LONP2: variants seen among roughly 807,000 people sequenced by gnomAD.
The protein encoded by LONP2 is lon peptidase 2, peroxisomal.
In LONP2, 60 loss-of-function variants were observed where a neutral mutation model predicts 85.6. The observed-to-expected ratio is 0.70, with a 90% CI of 0.57 to 0.87. The LOEUF is 0.87. Among genes scored for constraint, LONP2 ranks in the 40% least tolerant of loss-of-function variants. The pLI is 0.00. For missense variants in LONP2, 860 were observed against 1,063.5 expected, an observed-to-expected ratio of 0.81 and a Z score of 2.66; for synonymous variants, 395 against 389.7, an observed-to-expected ratio of 1.01 and a Z score of -0.16.
intron 12 of LONP2, among the ~76,000 whole-genome samples, chr16:48,335,367 G>C (rs1303914076): frequency 6.6e-6 from 1 of 152,150 alleles, no homozygotes; most frequent in Non-Finnish European, 1.5e-5. Context: ...TGCAGGTCTA[G>C]CCCTATTTTC....
In LONP2 at chr16:48,296,045, A is replaced by G. The variant is rs543835236; in HGVS notation, c.1414A>G (p.Thr472Ala). The G allele has an allele frequency of 6.2e-7, 1 of 1,614,166 alleles. No homozygotes were observed. Among genetic ancestry groups the G allele is most frequent in the South Asian group, 1.1e-5 (1 of 91,086 alleles). ...GGATCCTGAACAAAACCATAACTTC[A>G]CAGATCATTATCTAAATGTGGCCTT... The part of the protein sequence containing the change: ...VLDPEQNHNF[T>A]DHYLNVAFDL... The change falls in exon 9 of 15, where the codon ACA (threonine) becomes GCA (alanine). Residue 472 changes from threonine (T) to alanine (A), a missense_variant. Coordinates refer to ENST00000285737, the MANE Select transcript of LONP2 (RefSeq NM_031490.5).
intron 9 of LONP2, among the ~76,000 whole-genome samples, chr16:48,298,034 A>C (rs1372760535): frequency 6.6e-6 from 1 of 152,228 alleles, no homozygotes; most frequent in African/African-American, 2.4e-5. Flanking sequence ...TAGAGTAAAA[A>C]GTTAATTGTG....
At chr16:48,271,741 A>T (rs982503714) in intron 7 of LONP2, among the ~76,000 whole-genome samples, 9 of 152,158 alleles carry the variant, frequency 5.9e-5, no homozygotes, top group African/African-American at 2.2e-4. Context: ...AATAAATTTT[A>T]AAAAAGACTC....
chr16:48,250,260 A>G (rs1971603149), intron 1 of LONP2, among the ~76,000 whole-genome samples: 1 of 150,944 alleles, frequency 6.6e-6, no homozygotes, highest in Non-Finnish European at 1.5e-5. Flanking sequence ...AGGTGGGCGA[A>G]TCATGAGGTC....
Position 48,356,045 on chromosome 16 carries a change from C to CA in LONP2, c.*4246dup. ...TTAGTGGTCCCTGTGAACCTTACCT[C>CA]AAACCATGCATCTGGGGCAGAGATC... On this transcript the variant is annotated 3_prime_UTR_variant, in exon 15 of 15. Transcript: ENST00000285737. 1 of 152,206 alleles carries CA rather than the reference C, an allele frequency of 6.6e-6. No individual in the cohort carries two copies. Among genetic ancestry groups the CA allele is most frequent in the East Asian group, 1.9e-4 (1 of 5,198 alleles). The allele number at this position is 152,206 out of a possible 1,614,324, so 9.4% of individuals were successfully genotyped here.
rs1597008718 is a variant in LONP2 at position 48,352,995 on chromosome 16, C to G, written c.*1193C>G. On this transcript the variant is annotated 3_prime_UTR_variant, in exon 15 of 15. Transcript: ENST00000285737. ...ATGACTATGAAGTCAGGCTCATCTGCTTACTGGCTGTGTGAACTTTTTGTA... is the reference window on the plus strand; with the variant it reads ...ATGACTATGAAGTCAGGCTCATCTGGTTACTGGCTGTGTGAACTTTTTGTA... 1 of 152,220 alleles carries G rather than the reference C, an allele frequency of 6.6e-6. No homozygotes were observed. Among genetic ancestry groups the G allele is most frequent in the African/African-American group, 2.4e-5 (1 of 41,448 alleles). 9.4% of individuals were successfully genotyped at this position (152,220 alleles called of 1,614,324 possible).
intron 1 of LONP2, among the ~76,000 whole-genome samples, chr16:48,246,951 T>C (rs1971420689): frequency 1.4e-5 from 1 of 71,394 alleles, no homozygotes; most frequent in South Asian, 4.4e-4. Flanking sequence ...TCACTAATAA[T>C]CAGGTACTGT....
Position 48,356,398 on chromosome 16 carries a change from G to C in LONP2, c.*4596G>C, listed in dbSNP as rs879646208. 1.3e-5 allele frequency: 2 copies of C among 151,998 alleles called. No individual in the cohort carries two copies. The highest frequency in any genetic ancestry group is 4.1e-4 in the South Asian group (2 of 4,830). The allele number at this position is 151,998 out of a possible 1,614,324, so 9.4% of individuals were successfully genotyped here. A position where few individuals can be genotyped will look rare whatever the true frequency, so the allele number is the denominator to read the frequency against. On this transcript the variant is annotated 3_prime_UTR_variant, in exon 15 of 15. Coordinates refer to ENST00000285737, the MANE Select transcript of LONP2 (RefSeq NM_031490.5). ...CAAATCTAAAATTTATTTTAACCAGGATTTTAGATGTAAACATCAAGTAGT... is the reference window on the plus strand; with the variant it reads ...CAAATCTAAAATTTATTTTAACCAGCATTTTAGATGTAAACATCAAGTAGT...
chr16:48,315,822 A>G (rs1018483829), intron 11 of LONP2, among the ~76,000 whole-genome samples: 4 of 141,220 alleles, frequency 2.8e-5, no homozygotes, highest in African/African-American at 1.0e-4. Context: ...CCTCCTTTCT[A>G]TTTTTTTTTT....
chr16:48,334,703 T>C (rs1959586191), intron 12 of LONP2: 2 of 558,418 alleles, frequency 3.6e-6, no homozygotes, highest in Non-Finnish European at 7.1e-6. Context: ...GTGGCCATCC[T>C]TCAGCTGTTT....
At chr16:48,250,858 CAAAT>C (rs1444343462) in intron 1 of LONP2, among the ~76,000 whole-genome samples, 1 of 152,220 alleles carries the variant, frequency 6.6e-6, no homozygotes. Context: ...AGCCACAACA[CAAAT>C]AAGTCAAAAT....
intron 1 of LONP2, among the ~76,000 whole-genome samples, chr16:48,245,700 A>G (rs778968293): frequency 3.3e-5 from 5 of 152,246 alleles, no homozygotes; most frequent in African/African-American, 4.8e-5. Flanking sequence ...AATACATTTT[A>G]TATGGATTAA....
At chr16:48,264,114 C>A (rs188729902) in intron 6 of LONP2, among the ~76,000 whole-genome samples, 1 of 152,108 alleles carries the variant, frequency 6.6e-6, no homozygotes, top group African/African-American at 2.4e-5. Flanking sequence ...AGCTCCGAGG[C>A]GAAATTAAAA....
intron 12 of LONP2, among the ~76,000 whole-genome samples, chr16:48,342,068 C>T (rs560503268): frequency 9.0e-4 from 137 of 152,232 alleles, no homozygotes; most frequent in African/African-American, 3.1e-3. Flanking sequence ...CATTAGGCAC[C>T]TCCAAAGGGA....
chr16:48,291,265 A>T (rs915957723), intron 8 of LONP2, among the ~76,000 whole-genome samples: 2 of 152,174 alleles, frequency 1.3e-5, no homozygotes, highest in Admixed American at 6.5e-5. Context: ...GATTATTTTG[A>T]AGCAGATTCC....
At chr16:48,302,727 G>A (rs1972832577) in intron 10 of LONP2, among the ~76,000 whole-genome samples, 1 of 152,162 alleles carries the variant, frequency 6.6e-6, no homozygotes, top group African/African-American at 2.4e-5. Flanking sequence ...TCTCAGATTT[G>A]TTTTTGTTTT....
chr16:48,300,315 G>A (rs988382925), intron 10 of LONP2, among the ~76,000 whole-genome samples: 1 of 152,174 alleles, frequency 6.6e-6, no homozygotes, highest in African/African-American at 2.4e-5. Context: ...TGGAACAATA[G>A]AGAAGGTGCC....
At chr16:48,261,145 C>A (rs1004478684) in intron 4 of LONP2, among the ~76,000 whole-genome samples, 31 of 152,086 alleles carry the variant, frequency 2.0e-4, no homozygotes, top group African/African-American at 7.2e-4. Flanking sequence ...TTAATTATTT[C>A]TAGTATCCAG....
rs375210352 is a variant in LONP2 at position 48,325,037 on chromosome 16, G to A, written c.1796-9179G>A. Among the ~76,000 whole-genome samples the A allele has an allele frequency of 1.1e-4, 17 of 152,202 alleles. No homozygotes were observed. In the South Asian group the frequency reaches 3.5e-3, roughly 32 times the overall value. On this transcript the variant is annotated intron_variant, in intron 11 of 14. Transcript: ENST00000285737. Reference sequence around the variant, plus strand: ...TGGTCCCCAACCTTTTTGGCACCAGGGACCAATTTCATGGGAGACAGTTTT... The same window carrying A: ...TGGTCCCCAACCTTTTTGGCACCAGAGACCAATTTCATGGGAGACAGTTTT...
Sources: allele counts gnomAD v4.1 joint callset (sites outside exome capture counted in the v4.1 genomes callset), GRCh38; gene constraint gnomAD v4.1.1; transcripts MANE v1.5; gene names NCBI Gene and HGNC (gene_info 2026-07-23, HGNC 2026-07-21).